The following JCAD variants were observed in gnomAD, a reference collection of about 807,000 sequenced individuals.
JCAD encodes junctional cadherin 5 associated, also known as junctional cadherin 5-associated protein.
A neutral mutation model predicts 98.0 loss-of-function variants in JCAD; 40 were observed. That is an observed-to-expected ratio of 0.41 (90% CI 0.32 to 0.53). JCAD has a LOEUF of 0.53. JCAD is among the 20% of genes least tolerant of loss of function. The pLI is 0.31. For missense variants in JCAD, 1,705 were observed against 1,738.1 expected, an observed-to-expected ratio of 0.98 and a Z score of 0.34; for synonymous variants, 691 against 682.3, an observed-to-expected ratio of 1.01 and a Z score of -0.20.
At chr10:30,101,918 C>T (rs974697973) in intron 1 of JCAD, among the ~76,000 whole-genome samples, 2 of 152,072 alleles carry the variant, frequency 1.3e-5, no homozygotes, top group African/African-American at 4.8e-5. Context: ...CAATGAAGAA[C>T]AGGAAAGCTT....
intron 1 of JCAD, among the ~76,000 whole-genome samples, chr10:30,105,637 T>C (rs773389573): frequency 2.0e-5 from 3 of 152,136 alleles, no homozygotes; most frequent in Non-Finnish European, 2.9e-5. Flanking sequence ...CTGCCTATTT[T>C]CTAGTCCAAA....
In JCAD at chr10:30,027,595, G is replaced by A. The variant is rs771388733; in HGVS notation, c.2553C>T (p.Ser851=). ...ELQEEEESSS[S]SSSSSSSSEE... is the part of the protein sequence containing the mutation. ...CACTGCTGCTGCTGCTGCTGCTGCTGCTACTGCTGCTTTCTTCCTCTTCCT... is the reference window on the plus strand; with the variant it reads ...CACTGCTGCTGCTGCTGCTGCTGCTACTACTGCTGCTTTCTTCCTCTTCCT... Residue 851 remains serine, a synonymous_variant, in exon 3 of 4, where the codon AGC becomes AGT. Transcript: ENST00000375377. 3.1e-6 allele frequency: 5 copies of A among 1,614,040 alleles called. No homozygotes were observed. Among genetic ancestry groups the A allele is most frequent in the Non-Finnish European group, 3.4e-6 (4 of 1,180,032 alleles).
rs766876687 is a variant in JCAD at position 30,017,852 on chromosome 10, G to A, written c.*31C>T. The A allele has an allele frequency of 1.6e-5, 26 of 1,596,060 alleles. No individual in the cohort carries two copies. The highest frequency in any genetic ancestry group is 2.0e-5 in the Non-Finnish European group (23 of 1,163,782). ...CCAGCTACTTGAGAATACTCAATTC[G>A]CAACGGAATGCAAGCTCCACCGGCA... On this transcript the variant is annotated 3_prime_UTR_variant, in exon 4 of 4. Transcript: ENST00000375377.
At chr10:30,024,319 C>G (rs11007865) in intron 3 of JCAD, among the ~76,000 whole-genome samples, 1 of 152,146 alleles carries the variant, frequency 6.6e-6, no homozygotes, top group African/African-American at 2.4e-5. Flanking sequence ...GAAAATCATC[C>G]TGATTTTATA....
At chr10:30,024,797 G>A (rs1357205998) in intron 3 of JCAD, among the ~76,000 whole-genome samples, 6 of 146,374 alleles carry the variant, frequency 4.1e-5, no homozygotes, top group Admixed American at 2.1e-4. Context: ...CCAGGTTCAC[G>A]CCATTCTCCT....
chr10:30,065,192 A>G (rs1837763004), intron 2 of JCAD, among the ~76,000 whole-genome samples: 1 of 152,224 alleles, frequency 6.6e-6, no homozygotes, highest in Non-Finnish European at 1.5e-5. Context: ...ATATATCAGT[A>G]CGGTGTCTAT....
At chr10:30,050,817 A>T (rs576917840) in intron 1 of JCAD, among the ~76,000 whole-genome samples, 94 of 152,232 alleles carry the variant, frequency 6.2e-4, no homozygotes, top group Non-Finnish European at 1.2e-3. Flanking sequence ...CTGAACTATA[A>T]ACCCAGGATT....
chr10:30,043,926 A>T (rs1416688165), intron 2 of JCAD, among the ~76,000 whole-genome samples: 1 of 152,224 alleles, frequency 6.6e-6, no homozygotes, highest in African/African-American at 2.4e-5. Flanking sequence ...TTAAATGTTT[A>T]TTCTGTCTAA....
At chr10:30,036,611 G>A (rs976313934) in intron 2 of JCAD, among the ~76,000 whole-genome samples, 2 of 152,176 alleles carry the variant, frequency 1.3e-5, no homozygotes, top group Non-Finnish European at 2.9e-5. Flanking sequence ...CCAGGAGCAC[G>A]GGATAGATGT....
Position 30,059,196 on chromosome 10 carries a change from AC to A in JCAD, c.-60+285del, listed in dbSNP as rs1256635589. Among the ~76,000 whole-genome samples the A allele has an allele frequency of 6.6e-6, 1 of 150,386 alleles. No homozygotes were observed. The highest frequency in any genetic ancestry group is 1.5e-5 in the Non-Finnish European group (1 of 67,496). The stretch of plus-strand genomic sequence containing the variant: ...CGCGGCCCGCGGTGCCCGCCCCGGG[AC>A]CCCCGCGCTCCGAGCGGGGCACCTG... On this transcript the variant is annotated intron_variant, in intron 1 of 3. Transcript: ENST00000375377. The surrounding 1 kb of genome is among the most constrained non-coding windows in gnomAD (Gnocchi z 5.0).
At chr10:30,019,371 A>G (rs953715619) in intron 3 of JCAD, among the ~76,000 whole-genome samples, 5 of 151,302 alleles carry the variant, frequency 3.3e-5, no homozygotes, top group East Asian at 1.9e-4. Flanking sequence ...AAAAAAAAAA[A>G]AAAAAAGAAA....
Position 30,016,818 on chromosome 10 carries a change from T to G in JCAD, c.*1065A>C, listed in dbSNP as rs190413463. ...CAGAGGGTTATTTTCAAATATAACC[T>G]GATAGCTACACTTGTACAAAAATCT... On this transcript the variant is annotated 3_prime_UTR_variant, in exon 4 of 4. Coordinates refer to ENST00000375377, the MANE Select transcript of JCAD (RefSeq NM_020848.4). The G allele has an allele frequency of 2.0e-5, 3 of 152,334 alleles. No homozygotes were observed. The East Asian group carries it at 5.8e-4, about 29-fold the overall frequency. The allele number at this position is 152,334 out of a possible 1,614,324, so 9.4% of individuals were successfully genotyped here.
intron 1 of JCAD, among the ~76,000 whole-genome samples, chr10:30,077,638 T>C (rs930805436): frequency 5.9e-5 from 9 of 152,240 alleles, no homozygotes; most frequent in Non-Finnish European, 1.3e-4. Flanking sequence ...TTTACAAATA[T>C]ACCTCTTCTG....
At chr10:30,101,217 G>A (rs573001441) in intron 1 of JCAD, among the ~76,000 whole-genome samples, 2 of 152,246 alleles carry the variant, frequency 1.3e-5, no homozygotes, top group East Asian at 3.9e-4. Flanking sequence ...GACCAGCCTG[G>A]CCAATATGGC....
intron 1 of JCAD, among the ~76,000 whole-genome samples, chr10:30,055,762 T>C (rs1705999016): frequency 6.6e-6 from 1 of 152,198 alleles, no homozygotes; most frequent in Admixed American, 6.5e-5. Flanking sequence ...GTGTCTAAGA[T>C]CAAAAGGACC....
At chr10:30,055,829 A>C (rs762958151) in intron 1 of JCAD, among the ~76,000 whole-genome samples, 20 of 152,354 alleles carry the variant, frequency 1.3e-4, no homozygotes, top group Non-Finnish European at 2.2e-4. Context: ...TCAAAAAAAG[A>C]GAAAGAAAAA....
At chr10:30,074,926 A>G (rs1260697130) in intron 1 of JCAD, among the ~76,000 whole-genome samples, 1 of 152,002 alleles carries the variant, frequency 6.6e-6, no homozygotes, top group Non-Finnish European at 1.5e-5. Context: ...CAGAGTTGCT[A>G]GGACTATGGG....
At position 30,029,805 on chromosome 10, in the gene JCAD, A is replaced by T. The variant is rs752094645; in HGVS notation, c.343T>A (p.Tyr115Asn). The change falls in exon 3 of 4, where the codon TAC becomes AAC. Residue 115 changes from tyrosine (Y) to asparagine (N), a missense_variant. Tyr to Asn is a moderately radical substitution (Grantham distance 143). Coordinates refer to ENST00000375377, the MANE Select transcript of JCAD (RefSeq NM_020848.4). ...GCTTCTTGCCGTCCTCTTCTCCGGTAGGCTTGGTCGTTACCAGTCGGGGGA... is the reference window on the plus strand; with the variant it reads ...GCTTCTTGCCGTCCTCTTCTCCGGTTGGCTTGGTCGTTACCAGTCGGGGGA... ...SHPPTGNDQAYRRRGRQEARS... is the reference protein window; with the variant it reads ...SHPPTGNDQANRRRGRQEARS... The T allele has an allele frequency of 1.2e-6, 2 of 1,614,090 alleles. No individual in the cohort carries two copies. Among genetic ancestry groups the T allele is most frequent in the South Asian group, 1.1e-5 (1 of 91,078 alleles).
In JCAD at chr10:30,013,266, C is replaced by T. The variant is rs11007855; in HGVS notation, c.*4617G>A. ...TTGAGGCTGCAGTGAGCCGTGACTG[C>T]ACCACTGCACTCCAGGCTGGGCAAC... is the stretch of plus-strand genomic sequence containing the variant. On this transcript the variant is annotated 3_prime_UTR_variant, in exon 4 of 4. Coordinates refer to ENST00000375377, the MANE Select transcript of JCAD (RefSeq NM_020848.4). 674 of 152,332 alleles carry T rather than the reference C, an allele frequency of 4.4e-3. 9 individuals are homozygous for T. Among genetic ancestry groups the T allele is most frequent in the African/African-American group, 0.016 (644 of 41,516 alleles). 9.4% of individuals were successfully genotyped at this position (152,332 alleles called of 1,614,324 possible). A position where few individuals can be genotyped will look rare whatever the true frequency, so the allele number is the denominator to read the frequency against.
Sources: allele counts gnomAD v4.1 joint callset (sites outside exome capture counted in the v4.1 genomes callset), GRCh38; gene constraint gnomAD v4.1.1; non-coding constraint Gnocchi (gnomAD v3.1); transcripts MANE v1.5; gene names NCBI Gene and HGNC (gene_info 2026-07-23, HGNC 2026-07-21).